Variants in SPATA9 observed in about 807,000 individuals in gnomAD.
SPATA9 encodes the protein spermatogenesis associated 9.
SPATA9 carries 27 observed loss-of-function variants against 25.5 expected under a neutral mutation model. The ratio of observed to expected loss-of-function variants is 1.06; its 90% CI spans 0.78 to 1.46. SPATA9 has a LOEUF of 1.46. Ranked by LOEUF, SPATA9 falls within the 40% of genes most tolerant of loss-of-function variation. The pLI is 0.00. For synonymous variants in SPATA9, 102 were observed against 105.7 expected, an observed-to-expected ratio of 0.97 and a Z score of 0.21; for missense variants, 282 against 297.5, an observed-to-expected ratio of 0.95 and a Z score of 0.38.
chr5:95,704,655 T>C, the SPATA9 span, among the ~76,000 whole-genome samples: 1 of 152,124 alleles, frequency 6.6e-6, no homozygotes, highest in African/African-American at 2.4e-5. Flanking sequence ...AATAAATAAA[T>C]ATATTGCCTT....
At chr5:95,666,846 A>T (rs998437608) in intron 3 of SPATA9, among the ~76,000 whole-genome samples, 13 of 152,216 alleles carry the variant, frequency 8.5e-5, no homozygotes, top group Non-Finnish European at 1.5e-4. Context: ...TATAAAGCTT[A>T]AAAATTCTAC....
downstream of SPATA9, chr5:95,657,272 G>A (rs1750818078): frequency 6.6e-6 from 1 of 151,988 alleles, no homozygotes; most frequent in South Asian, 2.1e-4. Flanking sequence ...GTTTTATCAT[G>A]TCAGTTATTT....
the SPATA9 span, among the ~76,000 whole-genome samples, chr5:95,704,332 A>T: frequency 6.6e-6 from 1 of 152,180 alleles, no homozygotes; most frequent in South Asian, 2.1e-4. Flanking sequence ...AGCTCTGGGT[A>T]TTAGACAGTC....
At chr5:95,719,461 GA>G in the SPATA9 span, among the ~76,000 whole-genome samples, 1 of 152,148 alleles carries the variant, frequency 6.6e-6, no homozygotes, top group African/African-American at 2.4e-5. Context: ...GGATATCAGG[GA>G]ATGGGGCAAG....
rs188223701 is a variant in SPATA9, at chr5:95,689,846, A to G, written n.124+8742T>C. Among the ~76,000 whole-genome samples, 9 of 152,308 alleles carry G rather than the reference A, an allele frequency of 5.9e-5. No individual in the cohort carries two copies. The East Asian group carries it at 1.7e-3, about 29-fold the overall frequency. On this transcript the variant is annotated intron_variant and non_coding_transcript_variant, in intron 1 of 2. Transcript: ENST00000379990. ...TGGTATATACCCACCATGGAATACT[A>G]TGCAGCCATAAAAAAGAATGAGATA...
chr5:95,723,404 T>G, the SPATA9 span, among the ~76,000 whole-genome samples: 9,543 of 152,224 alleles, frequency 0.063, 748 homozygotes, highest in African/African-American at 0.19. Flanking sequence ...AAGACTGTAG[T>G]CTCCTTCTCT....
At chr5:95,701,471 T>C (rs922245997), upstream of SPATA9, 1 of 152,128 alleles carries the variant, frequency 6.6e-6, no homozygotes, top group Non-Finnish European at 1.5e-5. Context: ...TTTAATAATA[T>C]TTTAACTAAA....
chr5:95,675,314 CA>C, intron 3 of SPATA9, 97 bp downstream of exon 3: 2 of 968,044 alleles, frequency 2.1e-6, no homozygotes, highest in East Asian at 5.2e-5. Flanking sequence ...ATCTGTTTTA[CA>C]CTGGACAATC....
chr5:95,731,251 T>A, the SPATA9 span: 1 of 1,005,898 alleles, frequency 9.9e-7, no homozygotes, highest in Non-Finnish European at 1.2e-6. Context: ...TGGCACGTGC[T>A]GCGCCCGGTC....
downstream of SPATA9, chr5:95,656,641 T>A (rs1201295932): frequency 1.2e-5 from 2 of 164,068 alleles, no homozygotes; most frequent in East Asian, 3.4e-4. Context: ...TTTTTTAATT[T>A]AAAAAATTTA....
intron 3 of SPATA9, among the ~76,000 whole-genome samples, chr5:95,672,052 A>T (rs1371065273): frequency 6.6e-6 from 1 of 152,232 alleles, no homozygotes; most frequent in African/African-American, 2.4e-5. Context: ...AAGCCAGAGC[A>T]GCAAGTGTGT....
At chr5:95,676,081 C>G (rs932790334) in intron 2 of SPATA9, among the ~76,000 whole-genome samples, 45 of 152,118 alleles carry the variant, frequency 3.0e-4, no homozygotes, top group African/African-American at 1.0e-3. Context: ...CTCAGCCTCC[C>G]AAAGTACTGG....
At chr5:95,670,822 G>A (rs1488201528) in intron 3 of SPATA9, 10 of 984,264 alleles carry the variant, frequency 1.0e-5, no homozygotes, top group East Asian at 1.1e-4. Flanking sequence ...CATACATTCC[G>A]GTTGCACCTT....
chr5:95,670,118 A>G (rs937574554), intron 3 of SPATA9, among the ~76,000 whole-genome samples: 1 of 152,052 alleles, frequency 6.6e-6, no homozygotes, highest in Admixed American at 6.6e-5. Flanking sequence ...TTGGCACAAC[A>G]TTTCAATACG....
At chr5:95,723,287 C>T in the SPATA9 span, among the ~76,000 whole-genome samples, 11 of 152,310 alleles carry the variant, frequency 7.2e-5, no homozygotes, top group East Asian at 1.2e-3. Context: ...CACATGCGGC[C>T]CTTAGGCCAC....
intron 1 of SPATA9, among the ~76,000 whole-genome samples, chr5:95,690,932 G>A (rs1753866307): frequency 6.6e-6 from 1 of 152,006 alleles, no homozygotes; most frequent in African/African-American, 2.4e-5. Flanking sequence ...TCTTTTTAAA[G>A]CTTCTGATTT....
intron 1 of SPATA9, among the ~76,000 whole-genome samples, chr5:95,694,066 G>A (rs545909439): frequency 1.3e-5 from 2 of 151,992 alleles, no homozygotes; most frequent in African/African-American, 4.8e-5. Context: ...AGGCTGAGGT[G>A]GGAGGAACAC....
chr5:95,667,436 A>G (rs1751929935), intron 3 of SPATA9, among the ~76,000 whole-genome samples: 1 of 152,112 alleles, frequency 6.6e-6, no homozygotes, highest in Non-Finnish European at 1.5e-5. Flanking sequence ...CACTCCCTCC[A>G]TAGGTCACCT....
At chr5:95,653,262 A>G in intron 8 of SPATA9, 2 of 1,549,710 alleles carry the variant, frequency 1.3e-6, no homozygotes, top group Non-Finnish European at 1.7e-6. Context: ...TCTTGCTGTA[A>G]TAGCTATCTG....
Sources: allele counts gnomAD v4.1 joint callset (sites outside exome capture counted in the v4.1 genomes callset), GRCh38; gene constraint gnomAD v4.1.1; transcripts MANE v1.5; gene names NCBI Gene and HGNC (gene_info 2026-07-23, HGNC 2026-07-21).